PHRF1: variants seen among roughly 807,000 people sequenced by gnomAD.
PHRF1 encodes the protein PHD and RING finger domain-containing protein 1.
PHRF1 carries 53 observed loss-of-function variants against 128.9 expected under a neutral mutation model. The ratio of observed to expected loss-of-function variants is 0.41; its 90% CI spans 0.33 to 0.52. The LOEUF is 0.52. Among genes scored for constraint, PHRF1 ranks in the 20% least tolerant of loss-of-function variants. The pLI is 0.21. For synonymous variants in PHRF1, 1,178 were observed against 980.6 expected, an observed-to-expected ratio of 1.20 and a Z score of -3.76; for missense variants, 2,503 against 2,284.5, an observed-to-expected ratio of 1.10 and a Z score of -1.95.
At position 598,478 on chromosome 11, in the gene PHRF1, C is replaced by G. The variant is rs974559384; in HGVS notation, c.1000C>G (p.Pro334Ala). 3.1e-6 allele frequency: 5 copies of G among 1,609,764 alleles called. No homozygotes were observed. The African/African-American group carries it at 6.7e-5, about 21-fold the overall frequency. ...VYQRPLTPRT[P>A]ARRKRKTRRR... ...TCAGCGCCCCCTGACGCCGCGCACT[C>G]CCGCCCGACGGAAGAGGAAGACAAG... Residue 334 changes from proline to alanine, a missense_variant, in exon 9 of 18, where the codon CCC becomes GCC. Physicochemically the swap from Pro to Ala is conservative, Grantham distance 27. Transcript: ENST00000264555.
chr11:596,225 C>A (rs987007521), intron 6 of PHRF1, among the ~76,000 whole-genome samples: 5 of 152,198 alleles, frequency 3.3e-5, no homozygotes, highest in Admixed American at 2.0e-4. Flanking sequence ...TTTCAAGGAT[C>A]TTTGCATAGA....
chr11:592,448 A>G, intron 5 of PHRF1, 111 bp from the exon 6 acceptor site: 1 of 1,092,256 alleles, frequency 9.2e-7, no homozygotes, highest in South Asian at 1.3e-5. Context: ...TGTGGAGCCC[A>G]AATATGAATC....
chr11:608,393 T>A lies in PHRF1; in HGVS notation c.2937T>A (p.Ala979=). The A allele has an allele frequency of 6.2e-7, 1 of 1,611,760 alleles. No homozygotes were observed. The highest frequency in any genetic ancestry group is 8.5e-7 in the Non-Finnish European group (1 of 1,179,602). Residue 979 remains alanine (A), a synonymous_variant, in exon 14 of 18, where the codon GCT becomes GCA. Transcript: ENST00000264555. ...EAPPSPDVLQ[A]ATHRVVELRP... ...CACCCAGCCCGGACGTGCTGCAGGC[T>A]GCCACCCACAGAGTCGTGGAGCTCA... is the stretch of plus-strand genomic sequence containing the variant.
chr11:603,681 AATAT>A (rs1186308355), intron 10 of PHRF1, among the ~76,000 whole-genome samples: 3 of 151,670 alleles, frequency 2.0e-5, no homozygotes, highest in Non-Finnish European at 4.4e-5. Flanking sequence ...TTTCCTAGTA[AATAT>A]AAACTCATAT....
At chr11:584,727 AC>A (rs1854419426) in intron 3 of PHRF1, among the ~76,000 whole-genome samples, 1 of 126,066 alleles carries the variant, frequency 7.9e-6, no homozygotes, top group Non-Finnish European at 1.7e-5. Context: ...TTTCTCCAGG[AC>A]CTTTTTTTTT....
In PHRF1 at chr11:609,738, C is replaced by G; in HGVS notation, c.4264+18C>G. ...AGCCCCCCGTGAGTAGTGCCCCGGC[C>G]CCCACCGAGGACAGAGCCCCCAGTG... On this transcript the variant is annotated intron_variant, in intron 14 of 17. Coordinates refer to ENST00000264555, the MANE Select transcript of PHRF1 (RefSeq NM_001286581.2). 1 of 1,438,550 alleles carries G rather than the reference C, an allele frequency of 7.0e-7. No individual in the cohort carries two copies. The highest frequency in any genetic ancestry group is 9.1e-7 in the Non-Finnish European group (1 of 1,093,768). The allele number at this position is 1,438,550 out of a possible 1,614,324, so 89.1% of individuals were successfully genotyped here.
intron 3 of PHRF1, among the ~76,000 whole-genome samples, chr11:586,330 T>G (rs1220840205): frequency 6.6e-6 from 1 of 152,226 alleles, no homozygotes. Context: ...GATGGGAACT[T>G]AAAACTCTTC....
rs560579461 is a variant in PHRF1, at chr11:587,843, AC to A, written c.420+381del. Among the ~76,000 whole-genome samples the A allele has an allele frequency of 2.1e-4, 32 of 152,338 alleles. No individual in the cohort carries two copies. The East Asian group carries it at 4.4e-3, about 21-fold the overall frequency. ...GGTTCTCTCAGTTGATACAGAAAAC[AC>A]CGGTACGATTTGGCATTCATTCACA... On this transcript the variant is annotated intron_variant, in intron 4 of 17. Coordinates refer to ENST00000264555, the MANE Select transcript of PHRF1 (RefSeq NM_001286581.2).
At chr11:610,153 G>A (rs958984652) in intron 14 of PHRF1, 43 bp from the exon 15 acceptor site, 2 of 1,467,614 alleles carry the variant, frequency 1.4e-6, no homozygotes, top group Non-Finnish European at 9.0e-7. Flanking sequence ...TCTGGGCAGG[G>A]GTGGGCACAG....
chr11:593,626 T>C (rs1041051673), intron 6 of PHRF1, among the ~76,000 whole-genome samples: 1 of 152,228 alleles, frequency 6.6e-6, no homozygotes, highest in South Asian at 2.1e-4. Context: ...GGCTGTCCTT[T>C]TGCAGACACT....
chr11:610,523 C>T lies in PHRF1; in HGVS notation c.4439C>T (p.Pro1480Leu), dbSNP rs1303232394. 1 of 1,604,310 alleles carries T rather than the reference C, an allele frequency of 6.2e-7. No homozygotes were observed. The highest frequency in any genetic ancestry group is 1.3e-5 in the African/African-American group (1 of 74,894). ...CAGGTTTACAGCCCCGGCCTGCCGC[C>T]TGCCCCGGCCCAGCCCTCAAGCATC... ...PSQVYSPGLP[P>L]APAQPSSIPP... Residue 1480 changes from proline to leucine, a missense_variant, in exon 16 of 18, where the codon CCT becomes CTT. Pro to Leu is a moderately conservative substitution (Grantham distance 98, BLOSUM62 -3). Transcript: ENST00000264555.
At chr11:610,078 T>G in intron 14 of PHRF1, 118 bp from the exon 15 acceptor site, 1 of 1,316,226 alleles carries the variant, frequency 7.6e-7, no homozygotes, top group Middle Eastern at 1.9e-4. Flanking sequence ...GGGGTGGATC[T>G]GAGGGCTGCT....
At chr11:593,273 T>G (rs1855089940) in intron 6 of PHRF1, among the ~76,000 whole-genome samples, 1 of 152,352 alleles carries the variant, frequency 6.6e-6, no homozygotes, top group South Asian at 2.1e-4. Context: ...TTTGAATAAT[T>G]TTTCTGCTGT....
In PHRF1 at chr11:595,158, A is replaced by G. The variant is rs533481520; in HGVS notation, c.621-1765A>G. 2.6e-5 allele frequency among the ~76,000 whole-genome samples: 4 copies of G among 152,284 alleles called. No homozygotes were observed. In the South Asian group the frequency reaches 6.2e-4, roughly 24 times the overall value. ...GCCAACATGGCGAAACCCCGTCTCT[A>G]CTAAAAATAAAAAAATTGGCCGGGC... On this transcript the variant is annotated intron_variant, in intron 6 of 17. Coordinates refer to ENST00000264555, the MANE Select transcript of PHRF1 (RefSeq NM_001286581.2).
chr11:604,939 G>A (rs1271805447), intron 10 of PHRF1, among the ~76,000 whole-genome samples, 180 bp from the exon 11 acceptor site: 1 of 152,250 alleles, frequency 6.6e-6, no homozygotes, highest in African/African-American at 2.4e-5. Context: ...CACGGCCGAT[G>A]TGTGCGGCAT....
chr11:603,248 C>T (rs987337706), intron 10 of PHRF1, among the ~76,000 whole-genome samples: 13 of 151,938 alleles, frequency 8.6e-5, no homozygotes, highest in Admixed American at 2.6e-4. Context: ...TAGACACAAG[C>T]GTTCGCCATG....
rs768743208 is a variant in PHRF1 at position 605,135 on chromosome 11, G to A, written c.1169G>A (p.Arg390His). The change falls in exon 11 of 18, where the codon CGC (arginine) becomes CAC (histidine). Residue 390 changes from arginine (R) to histidine (H), a missense_variant. Transcript: ENST00000264555. ...TGGATTCAGAGTGAAGCCACCACTCGCTCTCGAATCGCGCGGACGCTGGGC... is the reference window on the plus strand; with the variant it reads ...TGGATTCAGAGTGAAGCCACCACTCACTCTCGAATCGCGCGGACGCTGGGC... Reference protein sequence around the residue: ...GKKVKSEATTRSRIARTLGLR... With the variant: ...GKKVKSEATTHSRIARTLGLR... 3 of 1,609,534 alleles carry A rather than the reference G, an allele frequency of 1.9e-6. No individual in the cohort carries two copies. Among genetic ancestry groups the A allele is most frequent in the Non-Finnish European group, 1.7e-6 (2 of 1,176,582 alleles).
rs1257999185 is a variant in PHRF1 at position 592,596 on chromosome 11, A to AGGC, written c.544_545insCGG (p.Glu181_Asp182insAla). The AGGC allele has an allele frequency of 6.2e-7, 1 of 1,613,934 alleles. No homozygotes were observed. The highest frequency in any genetic ancestry group is 1.3e-5 in the African/African-American group (1 of 74,950). ...AACACCAAAGCGAGCGAGGAGGAGG[A>AGGC]GGACCCGACCTTCTGTGAGGTGTGC... On this transcript the variant is annotated inframe_insertion, in exon 6 of 18. Transcript: ENST00000264555.
At chr11:586,282 C>A (rs946908658) in intron 3 of PHRF1, among the ~76,000 whole-genome samples, 2 of 152,248 alleles carry the variant, frequency 1.3e-5, no homozygotes, top group African/African-American at 4.8e-5. Flanking sequence ...CGTGAGCCAC[C>A]ACGCCCGGCC....
Sources: allele counts gnomAD v4.1 joint callset (sites outside exome capture counted in the v4.1 genomes callset), GRCh38; gene constraint gnomAD v4.1.1; transcripts MANE v1.5; gene names NCBI Gene and HGNC (gene_info 2026-07-23, HGNC 2026-07-21).